The following PTPRD variants were observed in gnomAD, a reference collection of about 807,000 sequenced individuals.
PTPRD encodes receptor-type tyrosine-protein phosphatase delta.
A neutral mutation model predicts 214.5 loss-of-function variants in PTPRD; 34 were observed. That is an observed-to-expected ratio of 0.16 (90% CI 0.12 to 0.21). The LOEUF (loss-of-function observed/expected upper bound fraction) is 0.21, where lower values mean the gene tolerates loss of function less well. PTPRD is among the 10% of genes least tolerant of loss of function. The pLI, the probability that PTPRD is intolerant of heterozygous loss-of-function variation, is 1.00. For synonymous variants in PTPRD, 1,128 were observed against 845.7 expected, an observed-to-expected ratio of 1.33 and a Z score of -5.79; for missense variants, 2,545 against 2,398.7, an observed-to-expected ratio of 1.06 and a Z score of -1.27.
At chr9:9,776,978 T>A (rs2098803252) in intron 5 of PTPRD, among the ~76,000 whole-genome samples, 1 of 152,202 alleles carries the variant, frequency 6.6e-6, no homozygotes, top group Admixed American at 6.5e-5. Context: ...AGTCATTTAC[T>A]AAAAATACCT....
intron 12 of PTPRD, among the ~76,000 whole-genome samples, chr9:8,707,851 T>C (rs1027543347): frequency 6.6e-6 from 1 of 152,230 alleles, no homozygotes; most frequent in African/African-American, 2.4e-5. Flanking sequence ...ATCTCCCAGG[T>C]ACCACATCTC....
chr9:10,590,566 T>G (rs1250022254), intron 2 of PTPRD, among the ~76,000 whole-genome samples: 2 of 152,072 alleles, frequency 1.3e-5, no homozygotes, highest in East Asian at 3.9e-4. Flanking sequence ...AAAAGCATAC[T>G]GTATATAATA....
chr9:10,034,253 G>A (rs11793449), intron 3 of PTPRD, among the ~76,000 whole-genome samples: 7 of 151,814 alleles, frequency 4.6e-5, no homozygotes, highest in Non-Finnish European at 8.8e-5. Context: ...AATTCACAAA[G>A]AAAGTTAAAA....
At chr9:8,528,432 A>C in intron 15 of PTPRD, 159 bp downstream of exon 15, 2 of 714,392 alleles carry the variant, frequency 2.8e-6, no homozygotes, top group Non-Finnish European at 4.9e-6. Context: ...AGGCTATGAC[A>C]TCACAAACAT....
chr9:8,969,343 G>C (rs192164874), intron 11 of PTPRD, among the ~76,000 whole-genome samples: 1 of 152,056 alleles, frequency 6.6e-6, no homozygotes, highest in African/African-American at 2.4e-5. Context: ...AACATGCACA[G>C]ACTATGACCA....
At chr9:10,186,010 G>A (rs972596422) in intron 3 of PTPRD, among the ~76,000 whole-genome samples, 33 of 152,202 alleles carry the variant, frequency 2.2e-4, no homozygotes, top group Non-Finnish European at 4.1e-4. Flanking sequence ...TCAGGTTTGA[G>A]AGGTAGTATT....
At chr9:9,226,057 G>A (rs892069879) in intron 9 of PTPRD, among the ~76,000 whole-genome samples, 9 of 151,974 alleles carry the variant, frequency 5.9e-5, no homozygotes, top group Admixed American at 5.9e-4. Flanking sequence ...TAAATCAATT[G>A]GGTCAAATTT....
intron 4 of PTPRD, among the ~76,000 whole-genome samples, chr9:10,007,535 G>C (rs903431389): frequency 6.6e-6 from 1 of 151,986 alleles, no homozygotes; most frequent in Non-Finnish European, 1.5e-5. Context: ...GCACTAAATT[G>C]CAAAGCATTA....
chr9:8,639,417 T>C (rs983243309), intron 12 of PTPRD, among the ~76,000 whole-genome samples: 7 of 150,688 alleles, frequency 4.6e-5, no homozygotes, highest in African/African-American at 1.0e-4. Flanking sequence ...ACCTTCCTTT[T>C]CTTGTCCATA....
At chr9:8,655,084 C>A (rs1444726848) in intron 12 of PTPRD, among the ~76,000 whole-genome samples, 1 of 151,878 alleles carries the variant, frequency 6.6e-6, no homozygotes, top group Admixed American at 6.6e-5. Context: ...ATCAACGATT[C>A]AAAAAAATTA....
At chr9:9,086,458 C>A (rs2099767166) in intron 10 of PTPRD, among the ~76,000 whole-genome samples, 1 of 152,170 alleles carries the variant, frequency 6.6e-6, no homozygotes, top group African/African-American at 2.4e-5. Flanking sequence ...TGTCTCACAT[C>A]ACCCTTTATA....
At chr9:8,762,014 C>A (rs1251499402) in intron 11 of PTPRD, among the ~76,000 whole-genome samples, 1 of 152,068 alleles carries the variant, frequency 6.6e-6, no homozygotes, top group African/African-American at 2.4e-5. Context: ...TTAAAATATA[C>A]CTACTGGTGG....
chr9:9,435,596 T>C (rs187317101), intron 8 of PTPRD, among the ~76,000 whole-genome samples: 6 of 152,300 alleles, frequency 3.9e-5, no homozygotes, highest in African/African-American at 9.6e-5. Flanking sequence ...AGATTTCTTT[T>C]ATTGGATTTT....
chr9:9,637,992 C>A (rs1017706112), intron 7 of PTPRD, among the ~76,000 whole-genome samples: 1 of 152,130 alleles, frequency 6.6e-6, no homozygotes, highest in Non-Finnish European at 1.5e-5. Flanking sequence ...TGGCCCTCAC[C>A]CCAAAGGCCC....
At chr9:9,702,334 G>T (rs1417649739) in intron 7 of PTPRD, among the ~76,000 whole-genome samples, 1 of 152,156 alleles carries the variant, frequency 6.6e-6, no homozygotes, top group Admixed American at 6.5e-5. Context: ...TTAATGCAGA[G>T]AATGGGGCAA....
chr9:9,440,099 A>C (rs1485005524), intron 8 of PTPRD, among the ~76,000 whole-genome samples: 3 of 152,200 alleles, frequency 2.0e-5, no homozygotes, highest in Non-Finnish European at 4.4e-5. Context: ...CTGCATTTTA[A>C]TACAGTTCAA....
intron 10 of PTPRD, among the ~76,000 whole-genome samples, chr9:9,169,087 A>G (rs905757923): frequency 2.0e-5 from 3 of 152,050 alleles, no homozygotes; most frequent in African/African-American, 7.2e-5. Flanking sequence ...AATTTGCATA[A>G]ATTTATATTA....
intron 7 of PTPRD, among the ~76,000 whole-genome samples, chr9:9,649,542 A>T (rs186912193): frequency 2.3e-4 from 35 of 152,304 alleles, no homozygotes; most frequent in African/African-American, 8.4e-4. Flanking sequence ...CTATATTATA[A>T]AAAGAAATAA....
intron 8 of PTPRD, among the ~76,000 whole-genome samples, chr9:9,432,970 C>T (rs1209292971): frequency 1.3e-5 from 2 of 151,952 alleles, no homozygotes; most frequent in Non-Finnish European, 2.9e-5. Flanking sequence ...ATTCAGAGGC[C>T]GCTGAAATAG....
Sources: allele counts gnomAD v4.1 joint callset (sites outside exome capture counted in the v4.1 genomes callset), GRCh38; gene constraint gnomAD v4.1.1; transcripts MANE v1.5; gene names NCBI Gene and HGNC (gene_info 2026-07-23, HGNC 2026-07-21).